Variants in SULF1 observed in about 807,000 individuals in gnomAD.
SULF1 encodes the protein sulfatase 1, also known as extracellular sulfatase Sulf-1.
Under a neutral mutation model 110.5 loss-of-function variants are expected in SULF1, and 46 were observed. The ratio of observed to expected loss-of-function variants is 0.42; its 90% CI spans 0.33 to 0.53. The LOEUF is 0.53. SULF1 is among the 20% of genes least tolerant of loss of function. The probability of loss-of-function intolerance (pLI) is 0.12; values close to 1 mark genes in which losing one functional copy is unlikely to be tolerated. For missense variants in SULF1, 941 were observed against 1,094.2 expected (o/e 0.86, Z 1.98); for synonymous variants, 371 against 387.1 (o/e 0.96, Z 0.49).
At chr8:69,486,638 C>T (rs1265312831) in intron 1 of SULF1, among the ~76,000 whole-genome samples, 3 of 152,118 alleles carry the variant, frequency 2.0e-5, no homozygotes, top group South Asian at 2.1e-4. Flanking sequence ...TGTTAACTGG[C>T]GTGCAACACC....
At chr8:69,545,947 G>A (rs1426764125) in intron 3 of SULF1, among the ~76,000 whole-genome samples, 2 of 152,060 alleles carry the variant, frequency 1.3e-5, no homozygotes, top group East Asian at 1.9e-4. Flanking sequence ...CGCCCACCTC[G>A]GCCTCCCAAA....
intron 1 of SULF1, among the ~76,000 whole-genome samples, chr8:69,476,097 G>A (rs1052771565): frequency 6.6e-6 from 1 of 152,170 alleles, no homozygotes; most frequent in African/African-American, 2.4e-5. Context: ...AAGAAGAGAT[G>A]AAATATTTAA....
In SULF1 at chr8:69,545,646, T is replaced by C. The variant is rs541093909; in HGVS notation, c.-133-17893T>C. 3.9e-5 allele frequency among the ~76,000 whole-genome samples: 6 copies of C among 152,228 alleles called. No homozygotes were observed. The East Asian group carries it at 9.7e-4, about 25-fold the overall frequency. On this transcript the variant is annotated intron_variant, in intron 3 of 22. Coordinates refer to ENST00000402687, the MANE Select transcript of SULF1 (RefSeq NM_001128205.2). ...CCACACTCTTTTATTTCTTTTGTCT[T>C]TGGTTTTTTGGGTTTTTTTGTTTTG...
intron 21 of SULF1, among the ~76,000 whole-genome samples, chr8:69,640,419 C>G (rs1192070242): frequency 6.6e-6 from 1 of 152,202 alleles, no homozygotes; most frequent in South Asian, 2.1e-4. Context: ...TCTCCACCTT[C>G]CAGACTATTC....
chr8:69,614,161 G>T (rs1210668006), intron 13 of SULF1, among the ~76,000 whole-genome samples: 1 of 152,150 alleles, frequency 6.6e-6, no homozygotes, highest in Non-Finnish European at 1.5e-5. Flanking sequence ...CTTACCGTGT[G>T]TTATCGCTAA....
At chr8:69,578,552 CG>C (rs1805803014) in intron 6 of SULF1, among the ~76,000 whole-genome samples, 1 of 136,868 alleles carries the variant, frequency 7.3e-6, no homozygotes, top group Non-Finnish European at 1.5e-5. Context: ...GAGCCGGCAC[CG>C]GGACCTTAGT....
At chr8:69,528,201 C>T (rs182279269) in intron 3 of SULF1, among the ~76,000 whole-genome samples, 136 of 152,246 alleles carry the variant, frequency 8.9e-4, no homozygotes, top group Non-Finnish European at 1.4e-3. Flanking sequence ...ATGAAACCAC[C>T]TGCTGTTCTT....
chr8:69,649,765 A>G (rs974768165), intron 22 of SULF1, among the ~76,000 whole-genome samples: 2 of 152,046 alleles, frequency 1.3e-5, no homozygotes, highest in Admixed American at 6.6e-5. Flanking sequence ...CAGGAGCTGC[A>G]TAACATCTTG....
At chr8:69,538,129 T>A (rs980207845) in intron 3 of SULF1, among the ~76,000 whole-genome samples, 3 of 152,176 alleles carry the variant, frequency 2.0e-5, no homozygotes, top group South Asian at 4.2e-4. Flanking sequence ...GCCCTGCTAA[T>A]TTTTTGTACT....
chr8:69,535,770 G>A (rs1459659900), intron 3 of SULF1, among the ~76,000 whole-genome samples: 3 of 152,086 alleles, frequency 2.0e-5, no homozygotes, highest in Admixed American at 6.5e-5. Flanking sequence ...GATGGTTCAC[G>A]CCTGTAATCC....
Position 69,638,555 on chromosome 8 carries a change from C to T in SULF1, c.2338C>T (p.Arg780Cys), listed in dbSNP as rs751109620. 6 of 1,613,790 alleles carry T rather than the reference C, an allele frequency of 3.7e-6. No homozygotes were observed. Among genetic ancestry groups the T allele is most frequent in the Non-Finnish European group, 5.1e-6 (6 of 1,179,952 alleles). ...SSNNNTYWCL[R>C]TVNETHNFLF... ...TAACAATAACACCTACTGGTGTTTG[C>T]GTACAGTTAATGAGACGCATAATTT... The change falls in exon 20 of 23, where the codon CGT (arginine) becomes TGT (cysteine). Residue 780 changes from arginine to cysteine, a missense_variant. Arg to Cys is a radical substitution (Grantham distance 180). This residue lies in a region of SULF1 where 112 missense variants were observed against 133.5 expected (regional missense o/e 0.84). Coordinates refer to ENST00000402687, the MANE Select transcript of SULF1 (RefSeq NM_001128205.2).
chr8:69,527,529 G>A (rs928121387), intron 3 of SULF1, among the ~76,000 whole-genome samples: 1 of 152,090 alleles, frequency 6.6e-6, no homozygotes, highest in Non-Finnish European at 1.5e-5. Context: ...GTCAGCGGGG[G>A]ATTCCTGGGC....
At chr8:69,580,307 G>T (rs556196623) in intron 6 of SULF1, among the ~76,000 whole-genome samples, 5 of 152,214 alleles carry the variant, frequency 3.3e-5, no homozygotes, top group Admixed American at 3.3e-4. Flanking sequence ...CCTGAAATCA[G>T]CTCCAAAAAA....
intron 3 of SULF1, among the ~76,000 whole-genome samples, chr8:69,518,903 A>G (rs1183702997): frequency 6.6e-6 from 1 of 152,092 alleles, no homozygotes; most frequent in Non-Finnish European, 1.5e-5. Context: ...CTTTCTCTTT[A>G]TGTCTCTCTT....
chr8:69,491,105 T>C (rs535376028), upstream of SULF1, among the ~76,000 whole-genome samples: 37 of 152,334 alleles, frequency 2.4e-4, no homozygotes, highest in African/African-American at 8.7e-4. Flanking sequence ...GTGGAGAGCA[T>C]GTACTGCATA....
chr8:69,575,933 G>A, intron 5 of SULF1, 37 bp from the exon 6 acceptor site: 1 of 1,605,780 alleles, frequency 6.2e-7, no homozygotes, highest in Non-Finnish European at 8.5e-7. Flanking sequence ...TTCATGTGCT[G>A]CACTTTGCTA....
chr8:69,631,975 T>A (rs907596267), intron 19 of SULF1, among the ~76,000 whole-genome samples: 1 of 152,202 alleles, frequency 6.6e-6, no homozygotes, highest in Non-Finnish European at 1.5e-5. Context: ...AGACTGTGAG[T>A]TTCTCAAGAT....
intron 22 of SULF1, among the ~76,000 whole-genome samples, chr8:69,645,104 C>T (rs950356623): frequency 8.5e-5 from 13 of 152,220 alleles, no homozygotes; most frequent in South Asian, 6.2e-4. Context: ...GAGCCAGGGC[C>T]GCTGCGTGCA....
chr8:69,501,212 T>C (rs1238873958), intron 2 of SULF1, among the ~76,000 whole-genome samples: 2 of 151,866 alleles, frequency 1.3e-5, no homozygotes, highest in Admixed American at 1.3e-4. Context: ...TTCCTTATTC[T>C]ATCTTATATT....
Sources: allele counts gnomAD v4.1 joint callset (sites outside exome capture counted in the v4.1 genomes callset), GRCh38; gene constraint gnomAD v4.1.1; regional missense constraint gnomAD v4.1.1; transcripts MANE v1.5; gene names NCBI Gene and HGNC (gene_info 2026-07-23, HGNC 2026-07-21).